The following BANF2 variants were observed in gnomAD, a reference collection of about 807,000 sequenced individuals.
BANF2 encodes the protein BANF family member 2, also known as barrier-to-autointegration factor-like protein.
A neutral mutation model predicts 8.0 loss-of-function variants in BANF2; 4 were observed. That is an observed-to-expected ratio of 0.50 (90% CI 0.25 to 1.14). The LOEUF (loss-of-function observed/expected upper bound fraction) is 1.14. Among genes scored for constraint, BANF2 ranks in the 50% most tolerant of loss-of-function variants. BANF2 has a pLI of 0.16. For synonymous variants in BANF2, 50 were observed against 40.6 expected (o/e 1.23, Z -0.88); for missense variants, 96 against 107.5 (o/e 0.89, Z 0.47).
chr20:17,735,259 T>G (rs772732128), intron 3 of BANF2, among the ~76,000 whole-genome samples: 1 of 151,846 alleles, frequency 6.6e-6, no homozygotes, highest in Non-Finnish European at 1.5e-5. Flanking sequence ...GCTTCAGGAG[T>G]GTGCTAGGCC....
At chr20:17,733,277 A>G (rs2037928640) in intron 3 of BANF2, among the ~76,000 whole-genome samples, 2 of 152,196 alleles carry the variant, frequency 1.3e-5, no homozygotes, top group South Asian at 4.1e-4. Context: ...AGTGCAGAGG[A>G]AAACAGGAGA....
At chr20:17,735,513 A>G (rs2037964258) in intron 3 of BANF2, 152 bp from the exon 4 acceptor site, 3 of 897,400 alleles carry the variant, frequency 3.3e-6, no homozygotes, top group Non-Finnish European at 5.1e-6. Flanking sequence ...GACCCATGTC[A>G]GGGCTTCAAG....
chr20:17,708,019 T>C (rs2037508815), intron 1 of BANF2, among the ~76,000 whole-genome samples: 1 of 129,160 alleles, frequency 7.7e-6, no homozygotes. Context: ...CTGGCCAACA[T>C]GGTGAAACCC....
At chr20:17,712,535 G>C in intron 1 of BANF2, 4 of 984,160 alleles carry the variant, frequency 4.1e-6, no homozygotes, top group Non-Finnish European at 2.4e-6. Context: ...CTGGATGTTT[G>C]TTCAGGTAGG....
Position 17,731,513 on chromosome 20 carries a change from G to A in BANF2, c.127-4152G>A, listed in dbSNP as rs1046673362. 3.9e-5 allele frequency: 6 copies of A among 152,196 alleles called. No individual in the cohort carries two copies. In the East Asian group the frequency reaches 9.7e-4, roughly 25 times the overall value. 9.4% of individuals were successfully genotyped at this position (152,196 alleles called of 1,614,324 possible). On this transcript the variant is annotated intron_variant, in intron 3 of 3. Transcript: ENST00000246090. ...TTGACAAGGCCCAGCATTATGGTGA[G>A]TACTGAGCATTTTAATAAGTGTGGA...
intron 3 of BANF2, among the ~76,000 whole-genome samples, chr20:17,734,045 G>A (rs139610019): frequency 6.4e-4 from 98 of 152,320 alleles, no homozygotes; most frequent in Non-Finnish European, 5.3e-4. Context: ...AGAGATGGGC[G>A]TTTAATGTGA....
At chr20:17,716,346 T>C (rs1318933785) in intron 1 of BANF2, among the ~76,000 whole-genome samples, 3 of 152,076 alleles carry the variant, frequency 2.0e-5, no homozygotes, top group Non-Finnish European at 4.4e-5. Context: ...TCTTTTCCTT[T>C]TTTTTCTTTT....
At chr20:17,693,821 C>A in intron 1 of BANF2, 1 of 1,247,698 alleles carries the variant, frequency 8.0e-7, no homozygotes, top group Non-Finnish European at 1.1e-6. Flanking sequence ...GAGGTGCTTT[C>A]CCGAATTCTG....
chr20:17,694,902 G>A (rs1433189743), intron 1 of BANF2, among the ~76,000 whole-genome samples: 1 of 151,970 alleles, frequency 6.6e-6, no homozygotes, highest in Non-Finnish European at 1.5e-5. Flanking sequence ...GCTTATAGGT[G>A]TGAGCCACCG....
chr20:17,721,081 A>G (rs541385395), intron 1 of BANF2, among the ~76,000 whole-genome samples: 1 of 152,348 alleles, frequency 6.6e-6, no homozygotes, highest in East Asian at 1.9e-4. Flanking sequence ...AAGATGTAGC[A>G]GACATTGTTG....
chr20:17,707,795 G>T (rs1489794019), intron 1 of BANF2, among the ~76,000 whole-genome samples: 3 of 151,782 alleles, frequency 2.0e-5, no homozygotes, highest in African/African-American at 7.3e-5. Flanking sequence ...ACTCAGGCTG[G>T]TCTCGAACTT....
intron 1 of BANF2, among the ~76,000 whole-genome samples, chr20:17,718,112 A>G (rs1600221756): frequency 6.6e-6 from 1 of 152,242 alleles, no homozygotes; most frequent in African/African-American, 2.4e-5. Context: ...AAAATAATAC[A>G]TGAAAATATT....
At chr20:17,734,561 C>T (rs941141635) in intron 3 of BANF2, among the ~76,000 whole-genome samples, 7 of 152,190 alleles carry the variant, frequency 4.6e-5, no homozygotes, top group African/African-American at 1.7e-4. Context: ...TGCTAAGATG[C>T]CATTCATCTG....
intron 3 of BANF2, among the ~76,000 whole-genome samples, chr20:17,730,679 C>A (rs1250901451): frequency 2.0e-5 from 3 of 152,196 alleles, no homozygotes; most frequent in Non-Finnish European, 4.4e-5. Context: ...AGTTCAGGAC[C>A]AGAAGGCCGC....
chr20:17,729,449 G>A lies in BANF2; in HGVS notation c.126+4298G>A, dbSNP rs562749638. ...ATGTTGCGACATCTGACAAAAGTTC[G>A]ACTCTAGCTGGGCACGGTGGCTCAC... On this transcript the variant is annotated intron_variant, in intron 3 of 3. Transcript: ENST00000246090. 3.3e-5 allele frequency among the ~76,000 whole-genome samples: 5 copies of A among 152,252 alleles called. No homozygotes were observed. The South Asian group carries it at 6.2e-4, about 19-fold the overall frequency.
At chr20:17,712,132 G>A (rs1016718734) in intron 1 of BANF2, 1 of 152,456 alleles carries the variant, frequency 6.6e-6, no homozygotes, top group Non-Finnish European at 1.5e-5. Flanking sequence ...TTGCCATGGA[G>A]GGGTGACCAG....
At chr20:17,731,959 G>A (rs567996153) in intron 3 of BANF2, among the ~76,000 whole-genome samples, 8 of 151,866 alleles carry the variant, frequency 5.3e-5, no homozygotes, top group African/African-American at 1.9e-4. Context: ...CCACCTACTC[G>A]GGAGGCTGAG....
chr20:17,712,732 C>T (rs1452031486), intron 1 of BANF2, among the ~76,000 whole-genome samples: 5 of 152,060 alleles, frequency 3.3e-5, no homozygotes, highest in Non-Finnish European at 5.9e-5. Context: ...ATTGCTTTCC[C>T]CTTCTCTGTG....
intron 1 of BANF2, among the ~76,000 whole-genome samples, chr20:17,709,512 A>G (rs905342058): frequency 1.3e-5 from 2 of 152,170 alleles, no homozygotes; most frequent in Non-Finnish European, 2.9e-5. Flanking sequence ...AAAACACTGC[A>G]CCACTGCACA....
Sources: allele counts gnomAD v4.1 joint callset (sites outside exome capture counted in the v4.1 genomes callset), GRCh38; gene constraint gnomAD v4.1.1; transcripts MANE v1.5; gene names NCBI Gene and HGNC (gene_info 2026-07-23, HGNC 2026-07-21).